The following MBP variants were observed in gnomAD, a reference collection of about 807,000 sequenced individuals.
The protein encoded by MBP is myelin basic protein.
A neutral mutation model predicts 35.8 loss-of-function variants in MBP; 16 were observed. The observed-to-expected ratio is 0.45, with a 90% CI of 0.30 to 0.68. The LOEUF (loss-of-function observed/expected upper bound fraction) is 0.68. Among genes scored for constraint, MBP ranks in the 30% least tolerant of loss-of-function variants. The pLI is 0.08. For missense variants in MBP, 380 were observed against 404.7 expected, an observed-to-expected ratio of 0.94 and a Z score of 0.52; for synonymous variants, 143 against 159.6, an observed-to-expected ratio of 0.90 and a Z score of 0.78.
chr18:77,026,913 C>T (rs182902432), intron 3 of MBP, among the ~76,000 whole-genome samples: 74 of 152,016 alleles, frequency 4.9e-4, no homozygotes, highest in African/African-American at 1.6e-3. Flanking sequence ...GTGGACATCA[C>T]GTCCAAGCAG....
chr18:76,997,435 A>G (rs1006633572), intron 4 of MBP, among the ~76,000 whole-genome samples: 4 of 152,236 alleles, frequency 2.6e-5, no homozygotes, highest in African/African-American at 9.6e-5. Flanking sequence ...GAGAGTCTCC[A>G]AGTCTTCGGT....
chr18:77,088,248 G>A (rs533007801), intron 2 of MBP, among the ~76,000 whole-genome samples: 1 of 152,120 alleles, frequency 6.6e-6, no homozygotes, highest in Non-Finnish European at 1.5e-5. Context: ...TGAGGGCCCC[G>A]GGCATCCCTC....
chr18:76,984,599 C>T lies in MBP; in HGVS notation c.870+176G>A, dbSNP rs193218521. ...TCACATGCATCTCGGAGGAAATCCA[C>T]GCGTAAATGCGGGTGGGCAATGCCA... On this transcript the variant is annotated intron_variant, in intron 8 of 8. Transcript: ENST00000355994. The T allele has an allele frequency of 4.2e-4, 323 of 770,558 alleles. 4 individuals carry two copies. The Admixed American group carries it at 7.2e-3, about 17-fold the overall frequency. 47.7% of individuals were successfully genotyped at this position (770,558 alleles called of 1,614,324 possible).
intron 1 of MBP, among the ~76,000 whole-genome samples, chr18:77,105,537 C>T (rs1424823808): frequency 1.3e-5 from 2 of 152,210 alleles, no homozygotes; most frequent in African/African-American, 4.8e-5. Context: ...CACACTTCAA[C>T]CTGTCTTGAG....
chr18:77,091,718 CATACACACAT>C (rs1352761213), intron 2 of MBP, among the ~76,000 whole-genome samples: 3 of 151,580 alleles, frequency 2.0e-5, no homozygotes, highest in Non-Finnish European at 2.9e-5. Context: ...AAACACACCA[CATACACACAT>C]ATACACACCA....
At chr18:77,076,486 G>A (rs926953954) in intron 2 of MBP, among the ~76,000 whole-genome samples, 1 of 152,236 alleles carries the variant, frequency 6.6e-6, no homozygotes, top group Non-Finnish European at 1.5e-5. Context: ...CCCTCTGAGA[G>A]CATCGAGGCG....
chr18:77,060,468 T>TTTTA lies in MBP; in HGVS notation c.139+5829_139+5830insTAAA, dbSNP rs11422817. On this transcript the variant is annotated intron_variant, in intron 3 of 8. Transcript: ENST00000355994. ...CTCTCCTTTTTTTTTTTTTTTTTTT[T>TTTTA]ATGAGGCGGAGTTTTGCTCTTGTTG... 2.6e-4 allele frequency among the ~76,000 whole-genome samples: 35 copies of TTTTA among 133,028 alleles called. 1 individual carries two copies. The highest frequency in any genetic ancestry group is 1.5e-3 in the East Asian group (7 of 4,638). The allele number at this position is 133,028 out of a possible 152,430, so 87.3% of individuals were successfully genotyped here.
intron 3 of MBP, among the ~76,000 whole-genome samples, chr18:77,057,788 A>G (rs1188583935): frequency 6.6e-6 from 1 of 152,024 alleles, no homozygotes; most frequent in Non-Finnish European, 1.5e-5. Context: ...GCTACACGAA[A>G]ATTCTGAAGG....
chr18:77,013,443 A>C, intron 4 of MBP: 2 of 985,330 alleles, frequency 2.0e-6, no homozygotes, highest in Non-Finnish European at 2.4e-6. Flanking sequence ...TCATGGTAAC[A>C]ATGAGGAATT....
intron 2 of MBP, among the ~76,000 whole-genome samples, chr18:77,081,469 C>T (rs1023784552): frequency 2.0e-5 from 3 of 152,092 alleles, no homozygotes; most frequent in Admixed American, 6.6e-5. Flanking sequence ...AACGTTATTA[C>T]GCAGTAAGGA....
chr18:77,052,468 A>G (rs1014743338), intron 3 of MBP, among the ~76,000 whole-genome samples: 1 of 152,122 alleles, frequency 6.6e-6, no homozygotes. Context: ...GTGCCATTGT[A>G]AGGTTTGTAT....
At chr18:76,981,845 A>G (rs1163365964) in intron 8 of MBP, 2 of 152,138 alleles carry the variant, frequency 1.3e-5, no homozygotes, top group Admixed American at 6.5e-5. Context: ...AGAAGTTGGC[A>G]CTCACCTCAC....
chr18:77,041,046 A>G (rs865782103), intron 3 of MBP, among the ~76,000 whole-genome samples: 88 of 152,146 alleles, frequency 5.8e-4, no homozygotes, highest in African/African-American at 1.9e-3. Flanking sequence ...AGAAAGGGCT[A>G]GTATCCAGAA....
At chr18:77,130,843 A>G (rs1324943888) in intron 1 of MBP, among the ~76,000 whole-genome samples, 2 of 152,010 alleles carry the variant, frequency 1.3e-5, no homozygotes, top group East Asian at 1.9e-4. Flanking sequence ...ACACTTTCTT[A>G]TCTTTGGGCA....
chr18:77,029,171 G>T (rs1385963067), intron 3 of MBP, among the ~76,000 whole-genome samples: 16 of 123,920 alleles, frequency 1.3e-4, no homozygotes, highest in East Asian at 2.3e-4. Context: ...CACCTCGGGA[G>T]GCCGAGGCTG....
chr18:76,992,845 C>T (rs1007559653), intron 4 of MBP, among the ~76,000 whole-genome samples: 1 of 152,180 alleles, frequency 6.6e-6, no homozygotes, highest in African/African-American at 2.4e-5. Flanking sequence ...GAGCATCCAT[C>T]CCCTGCCCTG....
rs1969754151 is a variant in MBP at position 76,989,238 on chromosome 18, G to A, written c.682-326C>T. Among the ~76,000 whole-genome samples, 1 of 152,164 alleles carries A rather than the reference G, an allele frequency of 6.6e-6. No individual in the cohort carries two copies. The highest frequency in any genetic ancestry group is 1.5e-5 in the Non-Finnish European group (1 of 68,030). On this transcript the variant is annotated intron_variant, in intron 5 of 8. Transcript: ENST00000355994. The surrounding 1 kb of genome is among the most constrained non-coding windows in gnomAD (Gnocchi z 4.0). ...TTTGCTTCACCGTGAGCCCTTTCCG[G>A]GGCTAGGAGTAGCGGGCCCTCTGAC...
chr18:77,114,665 C>T (rs1226652629), intron 1 of MBP: 3 of 152,302 alleles, frequency 2.0e-5, no homozygotes, highest in East Asian at 1.9e-4. Context: ...GACTGGCCTT[C>T]GGATGGCACG....
At chr18:77,105,112 A>C (rs1022986036) in intron 2 of MBP, 99 bp downstream of exon 2, 1 of 987,470 alleles carries the variant, frequency 1.0e-6, no homozygotes, top group Non-Finnish European at 1.6e-6. Context: ...GGAAGAGTGT[A>C]GCAGCAAGAG....
Sources: allele counts gnomAD v4.1 joint callset (sites outside exome capture counted in the v4.1 genomes callset), GRCh38; gene constraint gnomAD v4.1.1; non-coding constraint Gnocchi (gnomAD v3.1); transcripts MANE v1.5; gene names NCBI Gene and HGNC (gene_info 2026-07-23, HGNC 2026-07-21).